Variants in ALK observed in about 807,000 individuals in gnomAD.
ALK encodes the protein ALK receptor tyrosine kinase.
Under a neutral mutation model 163.1 loss-of-function variants are expected in ALK, and 74 were observed. That is an observed-to-expected ratio of 0.45 (90% CI 0.38 to 0.55). ALK has a LOEUF of 0.55. Among genes scored for constraint, ALK ranks in the 20% least tolerant of loss-of-function variants. The pLI is 0.00. For synonymous variants in ALK, 960 were observed against 843.2 expected (o/e 1.14, Z -2.40); for missense variants, 2,063 against 2,105.3 (o/e 0.98, Z 0.39).
At chr2:29,460,802 A>G (rs1671067216) in intron 4 of ALK, among the ~76,000 whole-genome samples, 1 of 152,134 alleles carries the variant, frequency 6.6e-6, no homozygotes, top group South Asian at 2.1e-4. Context: ...CTAAGTGTTC[A>G]AGTGAAAGGA....
At chr2:29,731,195 G>T (rs1028312914) in intron 1 of ALK, among the ~76,000 whole-genome samples, 4 of 152,204 alleles carry the variant, frequency 2.6e-5, no homozygotes, top group Non-Finnish European at 5.9e-5. Flanking sequence ...AATTTCACAG[G>T]ATGGTTATTG....
chr2:29,266,158 G>A (rs1016436827), intron 11 of ALK, among the ~76,000 whole-genome samples: 1 of 152,064 alleles, frequency 6.6e-6, no homozygotes, highest in African/African-American at 2.4e-5. Context: ...TAAATTCTAC[G>A]GATGAGAGGA....
At chr2:29,867,915 G>T (rs1488875002) in intron 1 of ALK, among the ~76,000 whole-genome samples, 1 of 152,196 alleles carries the variant, frequency 6.6e-6, no homozygotes, top group East Asian at 1.9e-4. Flanking sequence ...GATGGGAGGA[G>T]TGGGCAGCTG....
Position 29,205,474 on chromosome 2 carries a change from A to C in ALK, c.3938+1697T>G, listed in dbSNP as rs189910755. Among the ~76,000 whole-genome samples the C allele has an allele frequency of 3.9e-5, 6 of 152,324 alleles. No homozygotes were observed. In the East Asian group the frequency reaches 9.6e-4, roughly 24 times the overall value. On this transcript the variant is annotated intron_variant, in intron 26 of 28. Coordinates refer to ENST00000389048, the MANE Select transcript of ALK (RefSeq NM_004304.5). Reference sequence around the variant, plus strand: ...TGGTGGCTTAAAACAACATAAGTTCATTCTCTGACAGTTCTGAAGGCCGGA... The same window carrying C: ...TGGTGGCTTAAAACAACATAAGTTCCTTCTCTGACAGTTCTGAAGGCCGGA...
chr2:29,195,171 CCTTTTAAGAGGGATATTATAGACT>C (rs1417632272), intron 28 of ALK, among the ~76,000 whole-genome samples: 6 of 152,022 alleles, frequency 3.9e-5, no homozygotes, highest in African/African-American at 1.5e-4. Flanking sequence ...TGTAAAACTG[CCTTTTAAGAGGGATATTATAGACT>C]ATTGAGAAAA....
chr2:29,706,243 G>A (rs1481474552), intron 2 of ALK, among the ~76,000 whole-genome samples: 1 of 152,210 alleles, frequency 6.6e-6, no homozygotes, highest in Admixed American at 6.5e-5. Flanking sequence ...ACTCTAGCCA[G>A]CTGGTCAGCA....
intron 4 of ALK, among the ~76,000 whole-genome samples, chr2:29,450,353 C>T (rs1471804849): frequency 6.6e-6 from 1 of 152,096 alleles, no homozygotes; most frequent in Non-Finnish European, 1.5e-5. Flanking sequence ...AGAACATTTG[C>T]GGTCCCAATT....
chr2:29,687,453 A>G (rs1678271180), intron 3 of ALK, among the ~76,000 whole-genome samples: 1 of 152,050 alleles, frequency 6.6e-6, no homozygotes, highest in Non-Finnish European at 1.5e-5. Context: ...GTTGTGGCAC[A>G]AAATAGTTAA....
chr2:29,565,410 A>T (rs367601799), intron 3 of ALK, among the ~76,000 whole-genome samples: 12 of 152,216 alleles, frequency 7.9e-5, no homozygotes, highest in East Asian at 3.8e-4. Context: ...AGCAAGCCCA[A>T]AGGAAGCTCA....
At chr2:29,274,234 T>C (rs1665469093) in intron 11 of ALK, among the ~76,000 whole-genome samples, 1 of 152,240 alleles carries the variant, frequency 6.6e-6, no homozygotes, top group Non-Finnish European at 1.5e-5. Context: ...TCATTTTTTG[T>C]ACTTTGTGCC....
At chr2:29,699,336 C>T (rs116328345) in intron 2 of ALK, among the ~76,000 whole-genome samples, 2,161 of 152,244 alleles carry the variant, frequency 0.014, 18 homozygotes, top group Middle Eastern at 0.027. Context: ...GAGAAGTGGA[C>T]GGTTTCTTCT....
At chr2:29,326,103 G>C (rs1320547362) in intron 6 of ALK, among the ~76,000 whole-genome samples, 1 of 152,136 alleles carries the variant, frequency 6.6e-6, no homozygotes, top group Non-Finnish European at 1.5e-5. Flanking sequence ...CAGGGTGGAG[G>C]GGTTACTCTG....
chr2:29,749,306 T>C (rs993457479), intron 1 of ALK, among the ~76,000 whole-genome samples: 3 of 152,178 alleles, frequency 2.0e-5, no homozygotes, highest in Admixed American at 1.3e-4. Flanking sequence ...ACCTGTGATA[T>C]AGATGAAAGG....
At chr2:29,338,742 G>C (rs1262926947) in intron 5 of ALK, among the ~76,000 whole-genome samples, 1 of 152,232 alleles carries the variant, frequency 6.6e-6, no homozygotes, top group African/African-American at 2.4e-5. Flanking sequence ...CTGTCACATA[G>C]CAAGTGCTAA....
At chr2:29,429,585 T>C (rs1670225562) in intron 4 of ALK, among the ~76,000 whole-genome samples, 1 of 152,060 alleles carries the variant, frequency 6.6e-6, no homozygotes, top group East Asian at 1.9e-4. Flanking sequence ...TCAAATAAGA[T>C]TTAAATAAAT....
chr2:29,497,439 G>A (rs1267002499), intron 4 of ALK, among the ~76,000 whole-genome samples: 1 of 152,074 alleles, frequency 6.6e-6, no homozygotes, highest in Non-Finnish European at 1.5e-5. Context: ...AATAGAAACA[G>A]AACCTTGGTC....
chr2:29,591,708 G>A (rs532276120), intron 3 of ALK, among the ~76,000 whole-genome samples: 1 of 152,156 alleles, frequency 6.6e-6, no homozygotes, highest in Admixed American at 6.5e-5. Flanking sequence ...AAAGGAGAGA[G>A]GGGGCCTGGT....
chr2:29,295,575 G>A (rs1666150731), intron 9 of ALK, among the ~76,000 whole-genome samples: 1 of 152,238 alleles, frequency 6.6e-6, no homozygotes, highest in South Asian at 2.1e-4. Context: ...ATCTGAAGGA[G>A]TGGGTAGCTA....
intron 9 of ALK, among the ~76,000 whole-genome samples, chr2:29,280,768 T>C (rs1178927054): frequency 6.7e-6 from 1 of 148,950 alleles, no homozygotes; most frequent in African/African-American, 2.5e-5. Context: ...GGGAGAAAAT[T>C]CTAGTGTTTA....
Sources: allele counts gnomAD v4.1 joint callset (sites outside exome capture counted in the v4.1 genomes callset), GRCh38; gene constraint gnomAD v4.1.1; transcripts MANE v1.5; gene names NCBI Gene and HGNC (gene_info 2026-07-23, HGNC 2026-07-21).